SYNPO2: variants seen among roughly 807,000 people sequenced by gnomAD.
SYNPO2 encodes synaptopodin-2.
In SYNPO2, 56 loss-of-function variants were observed where a neutral mutation model predicts 85.0. That is an observed-to-expected ratio of 0.66 (90% CI 0.53 to 0.82). The LOEUF (loss-of-function observed/expected upper bound fraction) is 0.82, where lower values mean the gene tolerates loss of function less well. SYNPO2 is among the 40% of genes least tolerant of loss of function. The probability of loss-of-function intolerance (pLI) is 0.00; values close to 1 mark genes in which losing one functional copy is unlikely to be tolerated. For synonymous variants in SYNPO2, 602 were observed against 591.1 expected, an observed-to-expected ratio of 1.02 and a Z score of -0.27; for missense variants, 1,575 against 1,534.2, an observed-to-expected ratio of 1.03 and a Z score of -0.44.
chr4:118,962,033 A>G (rs905047329), intron 1 of SYNPO2, among the ~76,000 whole-genome samples: 1 of 152,176 alleles, frequency 6.6e-6, no homozygotes, highest in East Asian at 1.9e-4. Context: ...GAAGACACAC[A>G]TAAGAGCAAT....
intron 2 of SYNPO2, among the ~76,000 whole-genome samples, chr4:119,025,316 A>T (rs1200341989): frequency 6.6e-6 from 1 of 152,202 alleles, no homozygotes; most frequent in Admixed American, 6.5e-5. Flanking sequence ...ATTCAGTTTA[A>T]CAATGTATTT....
chr4:118,893,028 G>T lies in SYNPO2; in HGVS notation c.105+3887G>T, dbSNP rs571536359. ...TTCCAGAAACATAGGTATTTCTAAA[G>T]GGGGAAAAAGATTTTAATGTGTTTG... On this transcript the variant is annotated intron_variant, in intron 1 of 4. Coordinates refer to ENST00000307142, the MANE Select transcript of SYNPO2 (RefSeq NM_133477.3). 2.6e-5 allele frequency among the ~76,000 whole-genome samples: 4 copies of T among 152,218 alleles called. No individual in the cohort carries two copies. In the South Asian group the frequency reaches 8.3e-4, roughly 32 times the overall value.
intron 4 of SYNPO2, chr4:119,034,720 T>A: frequency 1.0e-6 from 1 of 985,458 alleles, no homozygotes; most frequent in Middle Eastern, 5.2e-4. Context: ...ACTAACCAGC[T>A]CCCTGGAGTA....
intron 1 of SYNPO2, among the ~76,000 whole-genome samples, chr4:118,959,637 G>A (rs1202687724): frequency 6.6e-6 from 1 of 152,186 alleles, no homozygotes; most frequent in Non-Finnish European, 1.5e-5. Flanking sequence ...GAAGAAACAT[G>A]AACTAGAGGC....
At chr4:118,924,514 C>A (rs1733649184) in intron 1 of SYNPO2, among the ~76,000 whole-genome samples, 1 of 152,154 alleles carries the variant, frequency 6.6e-6, no homozygotes, top group African/African-American at 2.4e-5. Context: ...AGCAAAGAAG[C>A]CCGAGCCCTT....
At chr4:118,999,249 G>T (rs1207119579) in intron 1 of SYNPO2, among the ~76,000 whole-genome samples, 1 of 152,028 alleles carries the variant, frequency 6.6e-6, no homozygotes, top group Non-Finnish European at 1.5e-5. Flanking sequence ...CCCAGGATCA[G>T]GTGATCCTCT....
chr4:118,888,686 C>T (rs1732255313), upstream of SYNPO2, among the ~76,000 whole-genome samples: 2 of 152,232 alleles, frequency 1.3e-5, no homozygotes, highest in Non-Finnish European at 2.9e-5. Flanking sequence ...TTGGCTCTCC[C>T]TTCCGTCCTC....
rs143987900 is a variant in SYNPO2, at chr4:119,030,580, C to A, written c.1805C>A (p.Pro602His). 10 of 1,614,038 alleles carry A rather than the reference C, an allele frequency of 6.2e-6. No homozygotes were observed. Among genetic ancestry groups the A allele is most frequent in the East Asian group, 2.2e-5 (1 of 44,882 alleles). Reference protein sequence around the residue: ...FPGSVNQPATPFSPTRNMTSP... With the variant: ...FPGSVNQPATHFSPTRNMTSP... ...GGGTCTGTGAATCAGCCAGCTACCCCCTTCTCGCCAACCCGAAACATGACG... is the reference window on the plus strand; with the variant it reads ...GGGTCTGTGAATCAGCCAGCTACCCACTTCTCGCCAACCCGAAACATGACG... The change falls in exon 4 of 5, where the codon CCC becomes CAC. Residue 602 changes from proline to histidine, a missense_variant. Pro to His is a moderately conservative substitution (Grantham distance 77). Coordinates refer to ENST00000307142, the MANE Select transcript of SYNPO2 (RefSeq NM_133477.3).
At chr4:119,024,985 A>G (rs1737877790) in intron 2 of SYNPO2, among the ~76,000 whole-genome samples, 1 of 152,238 alleles carries the variant, frequency 6.6e-6, no homozygotes, top group African/African-American at 2.4e-5. Context: ...GATTTTAAAA[A>G]TTCTATAATT....
chr4:118,959,515 T>G (rs1734998191), intron 1 of SYNPO2, among the ~76,000 whole-genome samples: 1 of 152,244 alleles, frequency 6.6e-6, no homozygotes. Flanking sequence ...CTAACGCAGT[T>G]AAATGGCATG....
In SYNPO2 at chr4:119,030,358, A is replaced by G. The variant is rs772521257; in HGVS notation, c.1583A>G (p.Asp528Gly). ...AGAGAACAAGATGCTGCCCAGACCG[A>G]TGGCCTGAGAACCACGACTTCTTAC... ...PSREQDAAQT[D>G]GLRTTTSYQR... Residue 528 changes from aspartate (D) to glycine (G), a missense_variant, in exon 4 of 5, where the codon GAT (aspartate) becomes GGT (glycine). Coordinates refer to ENST00000307142, the MANE Select transcript of SYNPO2 (RefSeq NM_133477.3). The G allele has an allele frequency of 1.9e-6, 3 of 1,614,034 alleles. No individual in the cohort carries two copies. The highest frequency in any genetic ancestry group is 2.5e-6 in the Non-Finnish European group (3 of 1,180,044).
chr4:118,993,395 G>C (rs1190329742), intron 1 of SYNPO2, among the ~76,000 whole-genome samples: 3 of 152,178 alleles, frequency 2.0e-5, no homozygotes. Flanking sequence ...ATAGACAAAC[G>C]TATCTCATTT....
intron 4 of SYNPO2, among the ~76,000 whole-genome samples, chr4:119,049,030 T>C (rs1171825080): frequency 1.3e-5 from 2 of 152,132 alleles, no homozygotes; most frequent in Admixed American, 1.3e-4. Context: ...GTAGCAATAA[T>C]CCAGGTGAGA....
chr4:118,859,289 G>A (rs1429785618), intron 1 of SYNPO2, among the ~76,000 whole-genome samples: 1 of 151,414 alleles, frequency 6.6e-6, no homozygotes, highest in Admixed American at 6.6e-5. Flanking sequence ...AATTTTTGTG[G>A]GTACATAATA....
rs1222107695 is a variant in SYNPO2, at chr4:118,860,559, TTTG to T, written c.12+9622_12+9624del. On this transcript the variant is annotated intron_variant, in intron 1 of 4. Transcript: ENST00000610556. ...CTGCCTGGCCTCTTTTGCCTTTTTT[TTTG>T]TTTTTTTTTTTTGAGATGGAGTCTC... Among the ~76,000 whole-genome samples, 26 of 70,296 alleles carry T rather than the reference TTTG, an allele frequency of 3.7e-4. 1 individual carries two copies. Among genetic ancestry groups the T allele is most frequent in the African/African-American group, 1.4e-3 (19 of 13,780 alleles). The allele number at this position is 70,296 out of a possible 152,430, so 46.1% of individuals were successfully genotyped here.
At chr4:118,945,799 G>A (rs1734478713) in intron 1 of SYNPO2, among the ~76,000 whole-genome samples, 1 of 151,748 alleles carries the variant, frequency 6.6e-6, no homozygotes, top group African/African-American at 2.4e-5. Flanking sequence ...AGTCTGGAGT[G>A]CAGTGGCGTG....
intron 1 of SYNPO2, among the ~76,000 whole-genome samples, chr4:118,966,366 A>G (rs1438261929): frequency 6.6e-6 from 1 of 152,164 alleles, no homozygotes; most frequent in Non-Finnish European, 1.5e-5. Flanking sequence ...CTGCCTCCCC[A>G]TTTTAGCTTC....
chr4:118,908,820 T>A (rs1475023689), intron 1 of SYNPO2, among the ~76,000 whole-genome samples: 2 of 152,218 alleles, frequency 1.3e-5, no homozygotes, highest in African/African-American at 2.4e-5. Context: ...TTGTAATTAA[T>A]TTTTTGTTCT....
intron 1 of SYNPO2, among the ~76,000 whole-genome samples, chr4:118,952,465 G>A (rs976712312): frequency 1.3e-5 from 2 of 151,928 alleles, no homozygotes; most frequent in East Asian, 1.9e-4. Context: ...TGTGCCATGT[G>A]TAAACTTTTT....
Sources: gnomAD v4.1 joint callset for allele counts (sites outside exome capture counted in the v4.1 genomes callset) on GRCh38, gnomAD v4.1.1 for gene constraint, MANE v1.5 for transcripts, NCBI Gene and HGNC (gene_info 2026-07-23, HGNC 2026-07-21) for gene names.